TENM3: variants seen among roughly 807,000 people sequenced by gnomAD.
The protein encoded by TENM3 is teneurin-3.
TENM3 carries 63 observed loss-of-function variants against 255.1 expected under a neutral mutation model. That is an observed-to-expected ratio of 0.25 (90% confidence interval 0.20 to 0.30). The LOEUF is 0.30. TENM3 is among the 10% of genes least tolerant of loss of function. The pLI is 1.00. For missense variants in TENM3, 2,929 were observed against 3,461.1 expected (o/e 0.85, Z 3.86); for synonymous variants, 1,306 against 1,322.3 (o/e 0.99, Z 0.27).
chr4:182,586,123 G>A (rs1416518858), intron 3 of TENM3, among the ~76,000 whole-genome samples: 1 of 152,106 alleles, frequency 6.6e-6, no homozygotes, highest in Non-Finnish European at 1.5e-5. Flanking sequence ...TGAGGATGGT[G>A]CTGCATGCCT....
intron 3 of TENM3, among the ~76,000 whole-genome samples, chr4:182,448,461 G>A (rs1398311602): frequency 6.6e-6 from 1 of 152,220 alleles, no homozygotes; most frequent in African/African-American, 2.4e-5. Context: ...CGGGGCCGTG[G>A]GGCGTGTGGG....
chr4:182,113,016 G>T, the TENM3 span, among the ~76,000 whole-genome samples: 844 of 152,296 alleles, frequency 5.5e-3, 2 homozygotes, highest in Middle Eastern at 0.01. Context: ...CTCATCTGCA[G>T]ATTATAAAAT....
intron 3 of TENM3, among the ~76,000 whole-genome samples, chr4:182,387,430 C>T (rs1768030696): frequency 6.6e-6 from 1 of 152,170 alleles, no homozygotes; most frequent in African/African-American, 2.4e-5. Context: ...AATCAGCGCC[C>T]TGACAAAATA....
intron 3 of TENM3, among the ~76,000 whole-genome samples, chr4:182,487,517 C>G (rs774828394): frequency 6.6e-6 from 1 of 151,934 alleles, no homozygotes; most frequent in Non-Finnish European, 1.5e-5. Flanking sequence ...TATTTGGAAC[C>G]TTGGTGTATT....
chr4:181,905,335 A>G, the TENM3 span, among the ~76,000 whole-genome samples: 1 of 152,198 alleles, frequency 6.6e-6, no homozygotes, highest in Non-Finnish European at 1.5e-5. Context: ...ACAGTGCCAG[A>G]CACATAGTAG....
chr4:182,250,756 A>T (rs1291921292), intron 1 of TENM3, among the ~76,000 whole-genome samples: 2 of 152,246 alleles, frequency 1.3e-5, no homozygotes, highest in African/African-American at 4.8e-5. Context: ...TTAATATTTT[A>T]AAAATAAGCA....
intron 4 of TENM3, among the ~76,000 whole-genome samples, chr4:182,603,784 T>TATATATATAC (rs58332965): frequency 2.8e-4 from 38 of 134,214 alleles, no homozygotes; most frequent in African/African-American, 1.0e-3. Context: ...TATATATATA[T>TATATATATAC]ACACACACAC....
At chr4:181,523,106 G>A in the TENM3 span, 1 of 474,898 alleles carries the variant, frequency 2.1e-6, no homozygotes, top group Non-Finnish European at 4.1e-6. Context: ...TCACTATTTT[G>A]TTAGTTTAAC....
At chr4:181,970,389 G>A in the TENM3 span, among the ~76,000 whole-genome samples, 1 of 152,118 alleles carries the variant, frequency 6.6e-6, no homozygotes, top group Admixed American at 6.6e-5. Flanking sequence ...AATTATCATT[G>A]CCGACCTTAG....
At chr4:181,666,645 T>A in the TENM3 span, among the ~76,000 whole-genome samples, 1 of 152,176 alleles carries the variant, frequency 6.6e-6, no homozygotes, top group African/African-American at 2.4e-5. Context: ...AGCTTGCATA[T>A]ATTATTAAAA....
intron 13 of TENM3, among the ~76,000 whole-genome samples, chr4:182,724,167 T>TAGATTTTTA (rs1418332628): frequency 7.9e-5 from 12 of 152,220 alleles, no homozygotes; most frequent in African/African-American, 2.7e-4. Context: ...CTGATTTATG[T>TAGATTTTTA]AGATTTTTAT....
At chr4:181,928,230 C>T in the TENM3 span, among the ~76,000 whole-genome samples, 178 of 151,766 alleles carry the variant, frequency 1.2e-3, no homozygotes, top group African/African-American at 4.2e-3. Context: ...AACAAACTCC[C>T]CTGAGCTAAA....
chr4:182,230,870 T>C (rs1756527974), intron 1 of TENM3, among the ~76,000 whole-genome samples: 1 of 126,374 alleles, frequency 7.9e-6, no homozygotes, highest in African/African-American at 3.0e-5. Context: ...CCCTTCTACC[T>C]CCTGTTCTCC....
chr4:182,110,944 C>A, the TENM3 span, among the ~76,000 whole-genome samples: 699 of 152,236 alleles, frequency 4.6e-3, 8 homozygotes, highest in African/African-American at 0.016. Flanking sequence ...TTGTGAAAAT[C>A]TACAATTTCA....
the TENM3 span, among the ~76,000 whole-genome samples, chr4:181,793,471 T>G: frequency 6.6e-6 from 1 of 152,306 alleles, no homozygotes; most frequent in Admixed American, 6.5e-5. Flanking sequence ...GGAGTCTCAG[T>G]CTCGCAGGAC....
At chr4:182,710,170 T>G (rs1285059210) in intron 12 of TENM3, among the ~76,000 whole-genome samples, 1 of 152,202 alleles carries the variant, frequency 6.6e-6, no homozygotes, top group African/African-American at 2.4e-5. Context: ...TGATCAGCGT[T>G]ATTAATTTTT....
At chr4:181,624,389 C>A in the TENM3 span, among the ~76,000 whole-genome samples, 1 of 152,208 alleles carries the variant, frequency 6.6e-6, no homozygotes, top group Non-Finnish European at 1.5e-5. Flanking sequence ...CACATCTACC[C>A]TTAAAGAAGC....
intron 19 of TENM3, among the ~76,000 whole-genome samples, chr4:182,750,821 A>C (rs1252944417): frequency 6.6e-6 from 1 of 152,114 alleles, no homozygotes. Context: ...CATCATGTTG[A>C]CGTCTTGGTT....
the TENM3 span, among the ~76,000 whole-genome samples, chr4:181,727,683 T>C: frequency 6.6e-6 from 1 of 152,234 alleles, no homozygotes; most frequent in South Asian, 2.1e-4. Context: ...CTTTCAAATA[T>C]GAGCATTTGA....
Sources: allele counts gnomAD v4.1 joint callset (sites outside exome capture counted in the v4.1 genomes callset), GRCh38; gene constraint gnomAD v4.1.1; transcripts MANE v1.5; gene names NCBI Gene and HGNC (gene_info 2026-07-23, HGNC 2026-07-21).